The following ASB3 variants were observed in gnomAD, a reference collection of about 807,000 sequenced individuals.
ASB3 encodes the protein ankyrin repeat and SOCS box containing 3.
ASB3 carries 41 observed loss-of-function variants against 54.5 expected under a neutral mutation model. That is an observed-to-expected ratio of 0.75 (90% CI 0.59 to 0.98). ASB3 has a LOEUF of 0.98. ASB3 is among the 50% of genes least tolerant of loss of function. The probability of loss-of-function intolerance (pLI) is 0.00; values close to 1 mark genes in which losing one functional copy is unlikely to be tolerated. For missense variants in ASB3, 733 were observed against 620.0 expected (o/e 1.18, Z -1.94); for synonymous variants, 266 against 221.2 (o/e 1.20, Z -1.80).
At chr2:53,673,115 T>C (rs1010050233) in intron 9 of ASB3, among the ~76,000 whole-genome samples, 3 of 152,156 alleles carry the variant, frequency 2.0e-5, no homozygotes, top group East Asian at 1.9e-4. Context: ...CCAATGGACA[T>C]AGTCAGATGG....
At chr2:53,753,530 A>G (rs533513260) in intron 2 of ASB3, among the ~76,000 whole-genome samples, 13 of 152,166 alleles carry the variant, frequency 8.5e-5, no homozygotes, top group Non-Finnish European at 1.6e-4. Context: ...GTATATATAC[A>G]TGGGTTATAA....
chr2:53,774,526 T>C (rs1479618048), intron 1 of ASB3: 2 of 1,526,396 alleles, frequency 1.3e-6, no homozygotes, highest in Admixed American at 2.3e-5. Context: ...TTGCATATAA[T>C]TTAGTCTTCA....
At chr2:53,783,971 T>G (rs1199850153) in intron 1 of ASB3, among the ~76,000 whole-genome samples, 1 of 152,226 alleles carries the variant, frequency 6.6e-6, no homozygotes, top group African/African-American at 2.4e-5. Flanking sequence ...GCAACTGACT[T>G]GTAAAGCAAC....
At chr2:53,723,637 G>C (rs906723855) in intron 5 of ASB3, among the ~76,000 whole-genome samples, 2 of 152,082 alleles carry the variant, frequency 1.3e-5, no homozygotes, top group African/African-American at 2.4e-5. Flanking sequence ...GCAATACCAA[G>C]CAAAAAGAAT....
At chr2:53,781,779 G>C (rs937175971) in intron 1 of ASB3, among the ~76,000 whole-genome samples, 3 of 152,244 alleles carry the variant, frequency 2.0e-5, no homozygotes, top group African/African-American at 7.2e-5. Flanking sequence ...ACAGGCGTGA[G>C]CCACCACGCC....
At position 53,732,525 on chromosome 2, in the gene ASB3, T is replaced by C. The variant is rs538077342; in HGVS notation, c.356-2955A>G. 4.6e-5 allele frequency among the ~76,000 whole-genome samples: 7 copies of C among 152,304 alleles called. No individual in the cohort carries two copies. The East Asian group carries it at 1.3e-3, about 29-fold the overall frequency. ...TGAAGGAGAGTGAAGGTAAGTTTGT[T>C]TTCCACAAGTTAGGCTGACCTTATA... On this transcript the variant is annotated intron_variant, in intron 3 of 9. Transcript: ENST00000263634.
At chr2:53,764,822 CTTTGT>C (rs1673345842) in intron 2 of ASB3, among the ~76,000 whole-genome samples, 1 of 152,142 alleles carries the variant, frequency 6.6e-6, no homozygotes, top group Admixed American at 6.5e-5. Flanking sequence ...ATTATCTCTA[CTTTGT>C]TTTATTTTCT....
At chr2:53,742,734 T>A (rs1672003870) in intron 3 of ASB3, among the ~76,000 whole-genome samples, 1 of 147,336 alleles carries the variant, frequency 6.8e-6, no homozygotes. Flanking sequence ...CATAGAGGCT[T>A]AAAAAAAAAA....
chr2:53,743,163 C>A (rs1009234744), intron 3 of ASB3, among the ~76,000 whole-genome samples: 16 of 131,146 alleles, frequency 1.2e-4, no homozygotes, highest in Non-Finnish European at 1.7e-4. Flanking sequence ...AATTTTTTTA[C>A]CTTTTTTTTT....
chr2:53,672,253 G>C (rs1015550862), intron 9 of ASB3, among the ~76,000 whole-genome samples: 2 of 152,188 alleles, frequency 1.3e-5, no homozygotes, highest in Non-Finnish European at 2.9e-5. Context: ...ATGAGTCATA[G>C]ATTCCCTATT....
At position 53,700,373 on chromosome 2, in the gene ASB3, T is replaced by C. The variant is rs1669419180; in HGVS notation, c.1136A>G (p.Glu379Gly). Residue 379 changes from glutamate to glycine, a missense_variant, in exon 8 of 10, where the codon GAA becomes GGA. Physicochemically the swap from Glu to Gly is moderately conservative, Grantham distance 98 (BLOSUM62 -2). Transcript: ENST00000263634. The part of the protein sequence containing the change: ...CSLGPWNHIY[E>G]FVNHAIKAQA... ...TGCTTTAATTGCATGATTTACAAAT[T>C]CATATATATGGTTCCATGGTCCCAA... The C allele has an allele frequency of 6.2e-7, 1 of 1,614,080 alleles. No homozygotes were observed. Among genetic ancestry groups the C allele is most frequent in the Non-Finnish European group, 8.5e-7 (1 of 1,180,006 alleles).
intron 9 of ASB3, among the ~76,000 whole-genome samples, chr2:53,682,630 C>A (rs1668435282): frequency 6.6e-6 from 1 of 152,044 alleles, no homozygotes; most frequent in African/African-American, 2.4e-5. Flanking sequence ...GTGCCTACCA[C>A]CACGCCCGGC....
intron 5 of ASB3, among the ~76,000 whole-genome samples, chr2:53,718,442 A>G (rs934096361): frequency 6.6e-6 from 1 of 152,150 alleles, no homozygotes; most frequent in African/African-American, 2.4e-5. Flanking sequence ...AGGAGAAATA[A>G]AATATTTTAC....
intron 9 of ASB3, among the ~76,000 whole-genome samples, chr2:53,680,967 G>C (rs1668340231): frequency 6.6e-6 from 1 of 151,330 alleles, no homozygotes; most frequent in African/African-American, 2.4e-5. Flanking sequence ...CCGTAAAAAA[G>C]TGAGAACATG....
chr2:53,763,361 A>G (rs1464213406), intron 2 of ASB3: 1 of 165,316 alleles, frequency 6.0e-6, no homozygotes, highest in Non-Finnish European at 1.5e-5. Context: ...TCTGTCTCAG[A>G]AAAAAAGGAA....
intron 3 of ASB3, among the ~76,000 whole-genome samples, chr2:53,738,097 T>A (rs984905194): frequency 5.3e-5 from 8 of 152,160 alleles, no homozygotes; most frequent in Non-Finnish European, 1.0e-4. Flanking sequence ...CTCAATTAAA[T>A]TGTAAGCCCA....
chr2:53,693,889 T>C lies in ASB3; in HGVS notation c.1364A>G (p.His455Arg). The C allele has an allele frequency of 6.2e-7, 1 of 1,613,032 alleles. No homozygotes were observed. The highest frequency in any genetic ancestry group is 8.5e-7 in the Non-Finnish European group (1 of 1,179,334). Reference sequence around the variant, plus strand: ...TAAAAGTTATTCTTTCTTACCAATATGTTGCTGTAGAATCCAAGCGTTTGA... The same window carrying C: ...TAAAAGTTATTCTTTCTTACCAATACGTTGCTGTAGAATCCAAGCGTTTGA... ...RASNAWILQQ[H>R]IATVPSLTHL... Residue 455 changes from histidine to arginine, a missense_variant, in exon 9 of 10, where the codon CAT becomes CGT. Physicochemically the swap from His to Arg is conservative, Grantham distance 29 (BLOSUM62 0). Coordinates refer to ENST00000263634, the MANE Select transcript of ASB3 (RefSeq NM_016115.5).
intron 5 of ASB3, 51 bp downstream of exon 5, chr2:53,728,661 T>C (rs374726706): frequency 1.2e-4 from 163 of 1,413,420 alleles, no homozygotes; most frequent in Non-Finnish European, 1.4e-4. Context: ...CTAGGAAATA[T>C]AGTTTAAAGC....
At chr2:53,674,350 G>A (rs1011730162) in intron 9 of ASB3, among the ~76,000 whole-genome samples, 2 of 152,104 alleles carry the variant, frequency 1.3e-5, no homozygotes, top group East Asian at 1.9e-4. Flanking sequence ...ATTAGCAGAT[G>A]AGTAATATTT....
Sources: allele counts gnomAD v4.1 joint callset (sites outside exome capture counted in the v4.1 genomes callset), GRCh38; gene constraint gnomAD v4.1.1; transcripts MANE v1.5; gene names NCBI Gene and HGNC (gene_info 2026-07-23, HGNC 2026-07-21).